The following FAM168B variants were observed in gnomAD, a reference collection of about 807,000 sequenced individuals.
The protein encoded by FAM168B is myelin-associated neurite-outgrowth inhibitor.
A neutral mutation model predicts 21.8 loss-of-function variants in FAM168B; 19 were observed. That is an observed-to-expected ratio of 0.87 (90% CI 0.61 to 1.28). The LOEUF (loss-of-function observed/expected upper bound fraction) is 1.28, where lower values mean the gene tolerates loss of function less well. Among genes scored for constraint, FAM168B ranks in the 50% most tolerant of loss-of-function variants. The probability of loss-of-function intolerance (pLI) is 0.00; values close to 1 mark genes in which losing one functional copy is unlikely to be tolerated. For missense variants in FAM168B, 233 were observed against 263.1 expected (o/e 0.89, Z 0.79); for synonymous variants, 126 against 104.8 (o/e 1.20, Z -1.24).
chr2:131,055,606 T>G lies in FAM168B; in HGVS notation c.244A>C (p.Thr82Pro), dbSNP rs771047687. 1.2e-6 allele frequency: 2 copies of G among 1,611,028 alleles called. No individual in the cohort carries two copies. Among genetic ancestry groups the G allele is most frequent in the Admixed American group, 3.4e-5 (2 of 59,680 alleles). ...GCACTTCGCACAGGGTACACGGCAG[T>G]CTGGTAGGGGTTCGGGGAGGAGGAG... ...PYSSSPNPYQ[T>P]AVYPVRSAYP... The change falls in exon 4 of 7, where the codon ACT becomes CCT. Residue 82 changes from threonine (T) to proline (P), a missense_variant. Thr to Pro is a conservative substitution (Grantham distance 38). Transcript: ENST00000389915.
At chr2:131,060,226 A>G (rs1479399665) in intron 3 of FAM168B, among the ~76,000 whole-genome samples, 2 of 152,140 alleles carry the variant, frequency 1.3e-5, no homozygotes, top group Non-Finnish European at 2.9e-5. Flanking sequence ...GGGTTTCACC[A>G]TATTGGCCAG....
Position 131,048,850 on chromosome 2 carries a change from C to T in FAM168B, c.*3615G>A, listed in dbSNP as rs890853513. 1.0e-6 allele frequency: 1 copy of T among 986,184 alleles called. No individual in the cohort carries two copies. Among genetic ancestry groups the T allele is most frequent in the East Asian group, 1.1e-4 (1 of 8,840 alleles). The allele number at this position is 986,184 out of a possible 1,614,324, so 61.1% of individuals were successfully genotyped here. A position where few individuals can be genotyped will look rare whatever the true frequency, so the allele number is the denominator to read the frequency against. On this transcript the variant is annotated 3_prime_UTR_variant, in exon 7 of 7. Coordinates refer to ENST00000389915, the MANE Select transcript of FAM168B (RefSeq NM_001009993.4). ...CCCACCTCAAGCCACACCCCTGCCA[C>T]CTGCTGCTGCGCCCAATGGAGGTCC...
At chr2:131,055,762 C>T in intron 3 of FAM168B, 67 bp from the exon 4 acceptor site, 1 of 1,564,796 alleles carries the variant, frequency 6.4e-7, no homozygotes, top group Non-Finnish European at 8.6e-7. Context: ...AGGACACAGG[C>T]AGGGAGGAGC....
At position 131,050,237 on chromosome 2, in the gene FAM168B, C is replaced by T; in HGVS notation, c.*2228G>A. 2.0e-5 allele frequency: 20 copies of T among 985,470 alleles called. No homozygotes were observed. Among genetic ancestry groups the T allele is most frequent in the Non-Finnish European group, 2.4e-5 (20 of 829,950 alleles). 61.0% of individuals were successfully genotyped at this position (985,470 alleles called of 1,614,324 possible). ...AACCTCCTCCTGAACCCCAAGACTCCAGCCCTCACAGGAGTTGTACATGTA... is the reference window on the plus strand; with the variant it reads ...AACCTCCTCCTGAACCCCAAGACTCTAGCCCTCACAGGAGTTGTACATGTA... On this transcript the variant is annotated 3_prime_UTR_variant, in exon 7 of 7. Coordinates refer to ENST00000389915, the MANE Select transcript of FAM168B (RefSeq NM_001009993.4).
chr2:131,060,148 C>T (rs995377570), intron 3 of FAM168B, among the ~76,000 whole-genome samples: 4 of 152,118 alleles, frequency 2.6e-5, no homozygotes, highest in African/African-American at 9.7e-5. Context: ...GCCTCAGCCT[C>T]TCAAGTAGCT....
At chr2:131,059,116 G>C (rs1324348591) in intron 3 of FAM168B, among the ~76,000 whole-genome samples, 1 of 152,178 alleles carries the variant, frequency 6.6e-6, no homozygotes, top group Non-Finnish European at 1.5e-5. Context: ...TACCAACACA[G>C]AGAGGCTATT....
Position 131,055,643 on chromosome 2 carries a change from A to G in FAM168B, c.207T>C (p.Ala69=). 6.2e-7 allele frequency: 1 copy of G among 1,613,426 alleles called. No individual in the cohort carries two copies. The highest frequency in any genetic ancestry group is 8.5e-7 in the Non-Finnish European group (1 of 1,179,672). ...YKVSCSPTSG[A]VPPYSSSPNP... is the part of the protein sequence containing the mutation. ...TCGGGGAGGAGGAGTACGGTGGCAC[A>G]GCCCCGCTGGTGGGGGAACAGGACA... The change falls in exon 4 of 7, where the codon GCT becomes GCC. Residue 69 remains alanine (A), a synonymous_variant. Coordinates refer to ENST00000389915, the MANE Select transcript of FAM168B (RefSeq NM_001009993.4).
Position 131,049,661 on chromosome 2 carries a change from A to G in FAM168B, c.*2804T>C. 4.1e-6 allele frequency: 4 copies of G among 985,714 alleles called. No homozygotes were observed. The highest frequency in any genetic ancestry group is 4.8e-6 in the Non-Finnish European group (4 of 829,928). The allele number at this position is 985,714 out of a possible 1,614,324, so 61.1% of individuals were successfully genotyped here. On this transcript the variant is annotated 3_prime_UTR_variant, in exon 7 of 7. Coordinates refer to ENST00000389915, the MANE Select transcript of FAM168B (RefSeq NM_001009993.4). ...TAGAACAAATATTTTTTAAATAGCC[A>G]TCATGATGTCCATGTTTACATGAAC...
chr2:131,082,721 TC>T (rs1303215334), intron 1 of FAM168B, 64 bp from the exon 2 acceptor site: 3 of 1,050,582 alleles, frequency 2.9e-6, no homozygotes, highest in Admixed American at 2.6e-5. Context: ...CCAGTACCAG[TC>T]CCCAAAAAGC....
Position 131,051,817 on chromosome 2 carries a change from G to C in FAM168B, c.*648C>G. 1 of 985,364 alleles carries C rather than the reference G, an allele frequency of 1.0e-6. No homozygotes were observed. The highest frequency in any genetic ancestry group is 4.7e-5 in the South Asian group (1 of 21,284). The allele number at this position is 985,364 out of a possible 1,614,324, so 61.0% of individuals were successfully genotyped here. A position where few individuals can be genotyped will look rare whatever the true frequency, so the allele number is the denominator to read the frequency against. ...AGCCTAAACTCAAAGGGATGTCCAT[G>C]AACCAGCTGCACCCAAGCAGCTGTG... On this transcript the variant is annotated 3_prime_UTR_variant, in exon 7 of 7. Coordinates refer to ENST00000389915, the MANE Select transcript of FAM168B (RefSeq NM_001009993.4).
chr2:131,066,457 G>A (rs961424640), intron 3 of FAM168B, among the ~76,000 whole-genome samples: 2 of 152,212 alleles, frequency 1.3e-5, no homozygotes, highest in Non-Finnish European at 2.9e-5. Context: ...TTACAGGCAT[G>A]AGCCATTGCA....
chr2:131,059,972 G>A (rs1026705191), intron 3 of FAM168B, among the ~76,000 whole-genome samples: 2 of 152,098 alleles, frequency 1.3e-5, no homozygotes, highest in South Asian at 2.1e-4. Flanking sequence ...TGATGTGTAG[G>A]TGGGAAGTAT....
At chr2:131,075,336 A>G (rs1693089899) in intron 2 of FAM168B, among the ~76,000 whole-genome samples, 1 of 151,932 alleles carries the variant, frequency 6.6e-6, no homozygotes, top group African/African-American at 2.4e-5. Context: ...GGCCTCTGCA[A>G]TAATTTCCAG....
rs1221501041 is a variant in FAM168B at position 131,048,761 on chromosome 2, C to T, written c.*3704G>A. The T allele has an allele frequency of 1.0e-6, 1 of 986,770 alleles. No individual in the cohort carries two copies. Among genetic ancestry groups the T allele is most frequent in the Admixed American group, 6.1e-5 (1 of 16,322 alleles). The allele number at this position is 986,770 out of a possible 1,614,324, so 61.1% of individuals were successfully genotyped here. On this transcript the variant is annotated 3_prime_UTR_variant, in exon 7 of 7. Coordinates refer to ENST00000389915, the MANE Select transcript of FAM168B (RefSeq NM_001009993.4). ...AATACGTGCTCTGCCTTCCCCCAGG[C>T]CAACCACACTCTGCTTTAGAGACCC... is the stretch of plus-strand genomic sequence containing the variant.
intron 3 of FAM168B, among the ~76,000 whole-genome samples, chr2:131,068,067 A>C (rs1410487754): frequency 6.6e-6 from 1 of 152,154 alleles, no homozygotes; most frequent in Non-Finnish European, 1.5e-5. Context: ...AGACATGAAA[A>C]CAGAGAGGAT....
chr2:131,050,995 G>A lies in FAM168B; in HGVS notation c.*1470C>T, dbSNP rs534119308. 42 of 985,426 alleles carry A rather than the reference G, an allele frequency of 4.3e-5. No homozygotes were observed. In the African/African-American group the frequency reaches 6.3e-4, roughly 15 times the overall value. 61.0% of individuals were successfully genotyped at this position (985,426 alleles called of 1,614,324 possible). A position where few individuals can be genotyped will look rare whatever the true frequency, so the allele number is the denominator to read the frequency against. On this transcript the variant is annotated 3_prime_UTR_variant, in exon 7 of 7. Transcript: ENST00000389915. ...ACAGGACGGGCATATTTTGGGGGCG[G>A]GGTGGAGGGAAGCCTTTTCATTTCT... is the stretch of plus-strand genomic sequence containing the variant.
chr2:131,048,438 CCT>C lies in FAM168B; in HGVS notation c.*4025_*4026del. The C allele has an allele frequency of 2.0e-5, 24 of 1,207,968 alleles. No homozygotes were observed. In the South Asian group the frequency reaches 3.6e-4, roughly 18 times the overall value. The allele number at this position is 1,207,968 out of a possible 1,614,324, so 74.8% of individuals were successfully genotyped here. ...GGGTCCCTACACAGACGCCGCTCATCCTCTGTCTCCCCTTCCCAAGTGACTTC... is the reference window on the plus strand; with the variant it reads ...GGGTCCCTACACAGACGCCGCTCATCCTGTCTCCCCTTCCCAAGTGACTTC... On this transcript the variant is annotated 3_prime_UTR_variant, in exon 7 of 7. Coordinates refer to ENST00000389915, the MANE Select transcript of FAM168B (RefSeq NM_001009993.4).
chr2:131,065,729 C>CGCA (rs1403033927), intron 3 of FAM168B, among the ~76,000 whole-genome samples: 2 of 147,076 alleles, frequency 1.4e-5, no homozygotes, highest in African/African-American at 5.1e-5. Context: ...GCAAGGCTTG[C>CGCA]AGTGAGCTGA....
chr2:131,065,433 C>A (rs1692502852), intron 3 of FAM168B, among the ~76,000 whole-genome samples: 1 of 152,096 alleles, frequency 6.6e-6, no homozygotes, highest in Non-Finnish European at 1.5e-5. Flanking sequence ...GGCTGCCATG[C>A]ATGAAGTTTA....
Sources: allele counts gnomAD v4.1 joint callset (sites outside exome capture counted in the v4.1 genomes callset), GRCh38; gene constraint gnomAD v4.1.1; transcripts MANE v1.5; gene names NCBI Gene and HGNC (gene_info 2026-07-23, HGNC 2026-07-21).